The following ATP2C1 variants were observed in gnomAD, a reference collection of about 807,000 sequenced individuals.
ATP2C1 encodes ATPase secretory pathway Ca2+ transporting 1.
In ATP2C1, 31 loss-of-function variants were observed where a neutral mutation model predicts 120.5. The observed-to-expected ratio is 0.26, with a 90% confidence interval of 0.19 to 0.35. The LOEUF is 0.35. ATP2C1 is among the 10% of genes least tolerant of loss of function. The pLI is 1.00. For synonymous variants in ATP2C1, 351 were observed against 358.7 expected (o/e 0.98, Z 0.24); for missense variants, 731 against 1,107.5 (o/e 0.66, Z 4.83).
intron 14 of ATP2C1, among the ~76,000 whole-genome samples, chr3:130,966,406 A>G (rs954264032): frequency 2.6e-5 from 4 of 152,196 alleles, no homozygotes; most frequent in African/African-American, 9.6e-5. Context: ...TCTCTCAATT[A>G]ATGTCATTAA....
Position 130,894,318 on chromosome 3 carries a change from A to C in ATP2C1, c.-200A>C. On this transcript the variant is annotated 5_prime_UTR_variant, in exon 1 of 28. Coordinates refer to ENST00000510168, the MANE Select transcript of ATP2C1 (RefSeq NM_001378687.1). The surrounding 1 kb of genome is among the most constrained non-coding windows in gnomAD (Gnocchi z 4.5). ...CGGCTGAGACCCCGCAGCCTGGAGGAGGGCTGTCCGGGGCTTTGGGTGGGT... is the reference window on the plus strand; with the variant it reads ...CGGCTGAGACCCCGCAGCCTGGAGGCGGGCTGTCCGGGGCTTTGGGTGGGT... 1 of 989,552 alleles carries C rather than the reference A, an allele frequency of 1.0e-6. No homozygotes were observed. The highest frequency in any genetic ancestry group is 1.2e-6 in the Non-Finnish European group (1 of 832,360). 61.3% of individuals were successfully genotyped at this position (989,552 alleles called of 1,614,324 possible).
At chr3:130,901,829 C>T (rs2057839541) in intron 2 of ATP2C1, among the ~76,000 whole-genome samples, 1 of 151,974 alleles carries the variant, frequency 6.6e-6, no homozygotes, top group African/African-American at 2.4e-5. Context: ...TGGCTTCTTC[C>T]TTCTAAGTGG....
rs145360895 is a variant in ATP2C1 at position 130,851,737 on chromosome 3, G to A, written c.108+809G>A. Among the ~76,000 whole-genome samples the A allele has an allele frequency of 1.3e-3, 199 of 152,234 alleles. 2 individuals are homozygous for A. The highest frequency in any genetic ancestry group is 3.9e-3 in the African/African-American group (160 of 41,542). ...TGATTCATTTAGGAAGAAGTGTGGC[G>A]GTGGTATACAAATGTGAAGGACAAA... On this transcript the variant is annotated intron_variant, in intron 1 of 26. Coordinates refer to the ATP2C1 transcript ENST00000504381.
upstream of ATP2C1, among the ~76,000 whole-genome samples, chr3:130,890,331 TTTC>T (rs2069129799): frequency 6.6e-6 from 1 of 152,224 alleles, no homozygotes. Flanking sequence ...CTCTTACCTC[TTTC>T]TTATTTTCAC....
At chr3:130,919,689 A>G (rs1037585146) in intron 2 of ATP2C1, among the ~76,000 whole-genome samples, 3 of 152,120 alleles carry the variant, frequency 2.0e-5, no homozygotes, top group Admixed American at 2.0e-4. Flanking sequence ...TCCTGATTTC[A>G]TTCTTTTGGA....
downstream of ATP2C1, chr3:131,003,161 G>A: frequency 1.0e-6 from 1 of 981,730 alleles, no homozygotes; most frequent in African/African-American, 1.7e-5. Context: ...TGACATCCCA[G>A]TGGGGACTAT....
At chr3:130,968,821 A>G (rs2061166553) in intron 16 of ATP2C1, among the ~76,000 whole-genome samples, 1 of 152,164 alleles carries the variant, frequency 6.6e-6, no homozygotes, top group African/African-American at 2.4e-5. Flanking sequence ...TAGGAGGGAA[A>G]ACAACAACAT....
chr3:130,899,072 C>T lies in ATP2C1; in HGVS notation c.6+4297C>T, dbSNP rs191773643. 3.4e-3 allele frequency among the ~76,000 whole-genome samples: 517 copies of T among 152,218 alleles called. 3 individuals are homozygous for T. The highest frequency in any genetic ancestry group is 5.8e-3 in the Non-Finnish European group (392 of 67,982). On this transcript the variant is annotated intron_variant, in intron 2 of 27. Coordinates refer to ENST00000510168, the MANE Select transcript of ATP2C1 (RefSeq NM_001378687.1). ...TGTTGGTAAAAGGCAGTAAAGGGTG[C>T]ATCCTGAGGTTAATGCCATCATTTC...
chr3:130,936,319 G>A (rs551962750), intron 5 of ATP2C1, among the ~76,000 whole-genome samples: 73 of 152,122 alleles, frequency 4.8e-4, no homozygotes, highest in Non-Finnish European at 7.8e-4. Context: ...AGACCAATGC[G>A]TGACATTACA....
At chr3:130,923,454 T>C (rs976552786) in intron 2 of ATP2C1, among the ~76,000 whole-genome samples, 1 of 152,060 alleles carries the variant, frequency 6.6e-6, no homozygotes, top group African/African-American at 2.4e-5. Context: ...CCTGCCCTTA[T>C]GATCCACCTG....
intron 12 of ATP2C1, among the ~76,000 whole-genome samples, chr3:130,960,498 A>G (rs764642201): frequency 8.5e-5 from 13 of 152,216 alleles, no homozygotes; most frequent in Non-Finnish European, 1.6e-4. Flanking sequence ...ATGATTTCCT[A>G]TAAGATAATT....
At chr3:130,964,486 C>T (rs2060965987) in intron 13 of ATP2C1, among the ~76,000 whole-genome samples, 2 of 151,998 alleles carry the variant, frequency 1.3e-5, no homozygotes, top group African/African-American at 4.8e-5. Flanking sequence ...AGTTATATTG[C>T]TGTAACAAAA....
At chr3:130,953,216 C>G (rs191767398) in intron 8 of ATP2C1, among the ~76,000 whole-genome samples, 33 of 151,844 alleles carry the variant, frequency 2.2e-4, no homozygotes, top group Admixed American at 2.1e-3. Context: ...GGAGTGAAGC[C>G]TTCAAAACTG....
At chr3:130,908,483 A>G (rs2058245834) in intron 2 of ATP2C1, among the ~76,000 whole-genome samples, 1 of 151,382 alleles carries the variant, frequency 6.6e-6, no homozygotes, top group Non-Finnish European at 1.5e-5. Context: ...AAAAAAAAAC[A>G]CCAGAAATAC....
intron 2 of ATP2C1, among the ~76,000 whole-genome samples, chr3:130,904,428 T>C (rs2058031728): frequency 6.6e-6 from 1 of 151,966 alleles, no homozygotes; most frequent in Non-Finnish European, 1.5e-5. Flanking sequence ...TTTCTCAATA[T>C]GGGGTTGTCA....
intron 12 of ATP2C1, among the ~76,000 whole-genome samples, chr3:130,960,605 G>C (rs1231456853): frequency 6.6e-6 from 1 of 152,066 alleles, no homozygotes; most frequent in Non-Finnish European, 1.5e-5. Context: ...TTCTTACCAG[G>C]TCACTAGGTG....
At chr3:130,867,579 C>G (rs111510593) in intron 1 of ATP2C1, among the ~76,000 whole-genome samples, 8 of 149,468 alleles carry the variant, frequency 5.4e-5, no homozygotes, top group Admixed American at 4.0e-4. Flanking sequence ...GACGGAGTCT[C>G]ATTCACTCAG....
In ATP2C1 at chr3:131,002,266, A is replaced by G. The variant is rs897943205; in HGVS notation, c.*916A>G. 1.2e-4 allele frequency: 115 copies of G among 970,454 alleles called. No homozygotes were observed. The highest frequency in any genetic ancestry group is 1.4e-4 in the Non-Finnish European group (114 of 816,542). 60.1% of individuals were successfully genotyped at this position (970,454 alleles called of 1,614,324 possible). On this transcript the variant is annotated 3_prime_UTR_variant, in exon 28 of 28. Coordinates refer to ENST00000510168, the MANE Select transcript of ATP2C1 (RefSeq NM_001378687.1). ...CCAAATACCTCAGCTAAGTAATTCT[A>G]TTTTATTATTTTTACTGTTATGTAT... is the stretch of plus-strand genomic sequence containing the variant.
At chr3:130,982,371 G>A (rs1022940100) in intron 20 of ATP2C1, among the ~76,000 whole-genome samples, 3 of 152,156 alleles carry the variant, frequency 2.0e-5, no homozygotes, top group Admixed American at 2.0e-4. Flanking sequence ...CAGCACAGTA[G>A]CTTCTTTAAA....
Sources: allele counts gnomAD v4.1 joint callset (sites outside exome capture counted in the v4.1 genomes callset), GRCh38; gene constraint gnomAD v4.1.1; non-coding constraint Gnocchi (gnomAD v3.1); transcripts MANE v1.5; gene names NCBI Gene and HGNC (gene_info 2026-07-23, HGNC 2026-07-21).